The following RGS7BP variants were observed in gnomAD, a reference collection of about 807,000 sequenced individuals.
RGS7BP encodes the protein regulator of G protein signaling 7-binding protein.
RGS7BP carries 9 observed loss-of-function variants against 31.3 expected under a neutral mutation model. The observed-to-expected ratio is 0.29, with a 90% CI of 0.17 to 0.50. RGS7BP has a LOEUF of 0.50. Ranked by LOEUF, RGS7BP falls within the 20% of genes least tolerant of loss-of-function variation. The probability of loss-of-function intolerance (pLI) is 0.98; values close to 1 mark genes in which losing one functional copy is unlikely to be tolerated. For missense variants in RGS7BP, 274 were observed against 322.0 expected (o/e 0.85, Z 1.14); for synonymous variants, 115 against 120.1 (o/e 0.96, Z 0.28).
At chr5:64,605,747 C>G (rs1478592187) in intron 5 of RGS7BP, among the ~76,000 whole-genome samples, 20 of 151,906 alleles carry the variant, frequency 1.3e-4, no homozygotes, top group Non-Finnish European at 4.4e-5. Flanking sequence ...CAGCAGTTGT[C>G]CTTAATAGGC....
chr5:64,529,959 A>G (rs1749329322), intron 2 of RGS7BP, among the ~76,000 whole-genome samples: 1 of 152,178 alleles, frequency 6.6e-6, no homozygotes, highest in Admixed American at 6.5e-5. Flanking sequence ...ATACTTCAGG[A>G]CTTCTATACC....
chr5:64,543,931 T>C (rs1741586718), intron 2 of RGS7BP, among the ~76,000 whole-genome samples: 1 of 152,276 alleles, frequency 6.6e-6, no homozygotes, highest in Non-Finnish European at 1.5e-5. Context: ...CTGGCATCTC[T>C]ATACAACAGG....
chr5:64,562,663 A>T (rs146907733), intron 2 of RGS7BP, among the ~76,000 whole-genome samples: 1 of 152,250 alleles, frequency 6.6e-6, no homozygotes, highest in African/African-American at 2.4e-5. Flanking sequence ...CACCAGTGTG[A>T]ACACTCTGAA....
intron 3 of RGS7BP, among the ~76,000 whole-genome samples, chr5:64,590,131 G>C (rs192588758): frequency 6.0e-4 from 91 of 151,992 alleles, no homozygotes; most frequent in African/African-American, 2.2e-3. Flanking sequence ...CCTAGGTATA[G>C]ATAAAAGAGA....
chr5:64,565,503 A>C (rs1401496591), intron 2 of RGS7BP, among the ~76,000 whole-genome samples: 11 of 152,040 alleles, frequency 7.2e-5, no homozygotes, highest in Admixed American at 1.3e-4. Context: ...ATTTTTTATA[A>C]AATAGTTTTT....
chr5:64,598,515 C>T (rs1181846132), intron 5 of RGS7BP, 80 bp downstream of exon 5: 1 of 883,118 alleles, frequency 1.1e-6, no homozygotes, highest in Non-Finnish European at 1.9e-6. Flanking sequence ...GAAATTAAAG[C>T]ATGTGTCTCA....
intron 2 of RGS7BP, among the ~76,000 whole-genome samples, chr5:64,522,414 TA>T (rs1323269967): frequency 6.6e-6 from 1 of 152,174 alleles, no homozygotes; most frequent in Non-Finnish European, 1.5e-5. Flanking sequence ...CAGCCCTCAC[TA>T]AAGACTCTCT....
chr5:64,555,840 G>A (rs1741910834), intron 2 of RGS7BP, among the ~76,000 whole-genome samples: 1 of 152,140 alleles, frequency 6.6e-6, no homozygotes, highest in East Asian at 1.9e-4. Context: ...GCTACACAAT[G>A]CTAGAAACAT....
chr5:64,545,091 G>A (rs1318677530), intron 2 of RGS7BP, among the ~76,000 whole-genome samples: 1 of 151,814 alleles, frequency 6.6e-6, no homozygotes, highest in Admixed American at 6.6e-5. Context: ...CAGGAGAATA[G>A]CTTGAACCCA....
At chr5:64,515,739 A>C (rs1748955943) in intron 2 of RGS7BP, among the ~76,000 whole-genome samples, 1 of 132,954 alleles carries the variant, frequency 7.5e-6, no homozygotes, top group African/African-American at 2.6e-5. Context: ...CACACATATA[A>C]TGCACACACA....
At chr5:64,593,346 AG>A (rs1219754869) in intron 3 of RGS7BP, among the ~76,000 whole-genome samples, 1 of 152,182 alleles carries the variant, frequency 6.6e-6, no homozygotes, top group Non-Finnish European at 1.5e-5. Context: ...ACTTCCTGTT[AG>A]ATTTTACCAT....
At chr5:64,523,283 C>G (rs537995416) in intron 2 of RGS7BP, among the ~76,000 whole-genome samples, 1 of 152,282 alleles carries the variant, frequency 6.6e-6, no homozygotes, top group African/African-American at 2.4e-5. Context: ...GCAGCTGCCA[C>G]CCAGGCTTCA....
At chr5:64,555,329 T>C (rs536982040) in intron 2 of RGS7BP, among the ~76,000 whole-genome samples, 1 of 152,172 alleles carries the variant, frequency 6.6e-6, no homozygotes, top group African/African-American at 2.4e-5. Flanking sequence ...CTAAAGGAGC[T>C]CATCACATTT....
chr5:64,540,882 T>A (rs433560), intron 2 of RGS7BP, among the ~76,000 whole-genome samples: 38,829 of 152,048 alleles, frequency 0.26, 5,345 homozygotes, highest in South Asian at 0.37. Context: ...TGAGCAAAGA[T>A]GACCTGCTAG....
intron 3 of RGS7BP, among the ~76,000 whole-genome samples, chr5:64,587,781 G>A (rs1308326962): frequency 1.3e-5 from 2 of 152,178 alleles, no homozygotes; most frequent in African/African-American, 4.8e-5. Flanking sequence ...AGCAGGCACA[G>A]GGCCAAAAAC....
intron 2 of RGS7BP, among the ~76,000 whole-genome samples, chr5:64,568,033 A>T (rs1306703588): frequency 6.6e-6 from 1 of 151,988 alleles, no homozygotes; most frequent in Non-Finnish European, 1.5e-5. Context: ...ATGTTTCTTT[A>T]ATTCAAGTAT....
intron 2 of RGS7BP, among the ~76,000 whole-genome samples, chr5:64,517,914 A>T (rs1484319140): frequency 1.3e-5 from 2 of 152,126 alleles, no homozygotes; most frequent in South Asian, 2.1e-4. Flanking sequence ...TCTTTAAAAA[A>T]TTTTTTTAAA....
intron 3 of RGS7BP, among the ~76,000 whole-genome samples, chr5:64,584,538 A>C (rs554393673): frequency 9.8e-5 from 15 of 152,304 alleles, no homozygotes; most frequent in Admixed American, 5.9e-4. Context: ...GAAAGGGAGC[A>C]CTCAGAGCCC....
At chr5:64,589,983 C>T (rs1375379841) in intron 3 of RGS7BP, among the ~76,000 whole-genome samples, 1 of 150,520 alleles carries the variant, frequency 6.6e-6, no homozygotes, top group Non-Finnish European at 1.5e-5. Context: ...AAATGGATCC[C>T]TCAATTTAAA....
Sources: gnomAD v4.1 joint callset for allele counts (sites outside exome capture counted in the v4.1 genomes callset) on GRCh38, gnomAD v4.1.1 for gene constraint, MANE v1.5 for transcripts, NCBI Gene and HGNC (gene_info 2026-07-23, HGNC 2026-07-21) for gene names.